NDC1: variants seen among roughly 807,000 people sequenced by gnomAD.
The protein encoded by NDC1 is nucleoporin NDC1.
NDC1 carries 24 observed loss-of-function variants against 89.8 expected under a neutral mutation model. That is an observed-to-expected ratio of 0.27 (90% CI 0.19 to 0.38). The LOEUF (loss-of-function observed/expected upper bound fraction) is 0.38, where lower values mean the gene tolerates loss of function less well. Among genes scored for constraint, NDC1 ranks in the 10% least tolerant of loss-of-function variants. The pLI is 1.00. For synonymous variants in NDC1, 296 were observed against 284.8 expected (o/e 1.04, Z -0.39); for missense variants, 728 against 797.6 (o/e 0.91, Z 1.05).
chr1:53,813,672 C>T (rs1021015274), intron 6 of NDC1, among the ~76,000 whole-genome samples: 3 of 151,792 alleles, frequency 2.0e-5, no homozygotes, highest in African/African-American at 7.3e-5. Flanking sequence ...GACAGCAACA[C>T]GATAGTGGGG....
Position 53,796,760 on chromosome 1 carries a change from T to C in NDC1, c.1513A>G (p.Ile505Val), listed in dbSNP as rs148333247. 26 of 1,610,962 alleles carry C rather than the reference T, an allele frequency of 1.6e-5. No individual in the cohort carries two copies. Among genetic ancestry groups the C allele is most frequent in the South Asian group, 2.2e-5 (2 of 90,476 alleles). The change falls in exon 13 of 18, where the codon ATT (isoleucine) becomes GTT (valine). Residue 505 changes from isoleucine to valine, a missense_variant. Physicochemically the swap from Ile to Val is conservative, Grantham distance 29 (BLOSUM62 3). Transcript: ENST00000371429. Reference sequence around the variant, plus strand: ...CTCATTGTCTTACCCTCAGCACTAATAGAGGTAGATGGAGAAGGATTAGAA... The same window carrying C: ...CTCATTGTCTTACCCTCAGCACTAACAGAGGTAGATGGAGAAGGATTAGAA... The part of the protein sequence containing the change: ...EFSNPSPSTS[I>V]SAEGKTMRQP...
chr1:53,804,478 T>G (rs1484447360), intron 9 of NDC1, among the ~76,000 whole-genome samples: 1 of 152,152 alleles, frequency 6.6e-6, no homozygotes, highest in Non-Finnish European at 1.5e-5. Flanking sequence ...ATACCTAATT[T>G]TTTTTTTCCT....
chr1:53,831,781 G>A (rs945119825), intron 3 of NDC1, among the ~76,000 whole-genome samples: 12 of 151,868 alleles, frequency 7.9e-5, no homozygotes, highest in African/African-American at 2.9e-4. Context: ...TATCTTAAAG[G>A]CAGTCTCAAG....
chr1:53,809,373 A>T (rs1487509601), intron 7 of NDC1, among the ~76,000 whole-genome samples: 1 of 152,070 alleles, frequency 6.6e-6, no homozygotes, highest in East Asian at 1.9e-4. Flanking sequence ...TCTTTTTGAG[A>T]CAGGGTCTCG....
intron 17 of NDC1, 22 bp downstream of exon 17, chr1:53,772,307 G>A: frequency 6.2e-7 from 1 of 1,609,674 alleles, no homozygotes; most frequent in Non-Finnish European, 8.5e-7. Context: ...GTATCATCAT[G>A]GATCAAAACA....
intron 14 of NDC1, among the ~76,000 whole-genome samples, chr1:53,790,571 G>T (rs979342029): frequency 2.4e-4 from 36 of 151,518 alleles, no homozygotes; most frequent in African/African-American, 7.3e-4. Context: ...AGCCTATGTG[G>T]TGGCGCACGC....
intron 16 of NDC1, among the ~76,000 whole-genome samples, chr1:53,775,555 G>T (rs1647155976): frequency 6.6e-6 from 1 of 152,028 alleles, no homozygotes; most frequent in South Asian, 2.1e-4. Flanking sequence ...TACCGCACCT[G>T]GCTGCAAAAC....
At chr1:53,832,464 A>G in intron 3 of NDC1, 26 bp downstream of exon 3, 1 of 1,151,008 alleles carries the variant, frequency 8.7e-7, no homozygotes, top group Non-Finnish European at 1.3e-6. Context: ...GCATATTTCT[A>G]AGAAGGTTAA....
chr1:53,788,437 T>A (rs1348892577), intron 15 of NDC1, among the ~76,000 whole-genome samples: 1 of 152,014 alleles, frequency 6.6e-6, no homozygotes, highest in Non-Finnish European at 1.5e-5. Flanking sequence ...AAAAAATTTT[T>A]TTTTTTGAGA....
At chr1:53,780,300 C>T (rs1647194917) in intron 16 of NDC1, among the ~76,000 whole-genome samples, 1 of 152,200 alleles carries the variant, frequency 6.6e-6, no homozygotes, top group Non-Finnish European at 1.5e-5. Context: ...TCTCAAACTC[C>T]TGACCTCAGG....
intron 5 of NDC1, among the ~76,000 whole-genome samples, chr1:53,820,085 T>A (rs1341339021): frequency 6.6e-6 from 1 of 151,962 alleles, no homozygotes; most frequent in East Asian, 1.9e-4. Flanking sequence ...TGAAACCCCG[T>A]CTCTACTACA....
intron 5 of NDC1, among the ~76,000 whole-genome samples, chr1:53,819,552 T>C (rs931169639): frequency 2.6e-4 from 40 of 152,262 alleles, no homozygotes; most frequent in Admixed American, 2.6e-3. Flanking sequence ...CAACCAATGT[T>C]ATCAACCAGC....
chr1:53,768,718 A>G (rs1647087277), intron 17 of NDC1, among the ~76,000 whole-genome samples: 1 of 152,218 alleles, frequency 6.6e-6, no homozygotes, highest in Non-Finnish European at 1.5e-5. Context: ...CGCTTTTAAA[A>G]GTGCCAAAAC....
chr1:53,830,402 C>T (rs1570239574), intron 3 of NDC1, among the ~76,000 whole-genome samples: 1 of 151,646 alleles, frequency 6.6e-6, no homozygotes, highest in Non-Finnish European at 1.5e-5. Flanking sequence ...TGCAGTGAGC[C>T]GAGATCGTGC....
At chr1:53,836,783 T>A (rs754706698) in intron 1 of NDC1, among the ~76,000 whole-genome samples, 1 of 152,096 alleles carries the variant, frequency 6.6e-6, no homozygotes, top group Non-Finnish European at 1.5e-5. Flanking sequence ...TATCCCACAT[T>A]CTATACAAAA....
chr1:53,825,890 A>G lies in NDC1; in HGVS notation c.502T>C (p.Phe168Leu), dbSNP rs1385138531. 1 of 1,611,092 alleles carries G rather than the reference A, an allele frequency of 6.2e-7. No individual in the cohort carries two copies. Among genetic ancestry groups the G allele is most frequent in the South Asian group, 1.1e-5 (1 of 89,896 alleles). ...ATAAATGCTCCAGTCAGTAGGAAAA[A>G]AAGATGATATTCATTTAAGCAGGTT... is the stretch of plus-strand genomic sequence containing the variant. ...AQTCLNEYHL[F>L]FLLTGAFMGY... Residue 168 changes from phenylalanine to leucine, a missense_variant, in exon 5 of 18, where the codon TTT becomes CTT. Physicochemically the swap from Phe to Leu is conservative, Grantham distance 22 (BLOSUM62 0). Coordinates refer to ENST00000371429, the MANE Select transcript of NDC1 (RefSeq NM_018087.5).
chr1:53,828,091 A>C lies in NDC1; in HGVS notation c.363T>G (p.His121Gln), dbSNP rs868505816. Residue 121 changes from histidine (H) to glutamine (Q), a missense_variant, in exon 4 of 18, where the codon CAT (histidine) becomes CAG (glutamine). His to Gln is a conservative substitution (Grantham distance 24). Transcript: ENST00000371429. ...AGGCCATCACCATTCCCATTGCAGC[A>C]TGAATAAATGAGTGCATGAGTTGCT... is the stretch of plus-strand genomic sequence containing the variant. ...HPQQLMHSFI[H>Q]AAMGMVMAWC... is the part of the protein sequence containing the mutation. 6.2e-7 allele frequency: 1 copy of C among 1,614,182 alleles called. No individual in the cohort carries two copies. The highest frequency in any genetic ancestry group is 1.6e-4 in the Middle Eastern group (1 of 6,062).
At position 53,767,762 on chromosome 1, in the gene NDC1, C is replaced by T; in HGVS notation, c.*208G>A. On this transcript the variant is annotated 3_prime_UTR_variant, in exon 18 of 18. Coordinates refer to ENST00000371429, the MANE Select transcript of NDC1 (RefSeq NM_018087.5). ...TTTATTATACCACACACACAAAAAG[C>T]AATCGGTACAGAAAAGGCAGTTTTC... is the stretch of plus-strand genomic sequence containing the variant. 5.1e-6 allele frequency: 2 copies of T among 388,938 alleles called. No individual in the cohort carries two copies. The highest frequency in any genetic ancestry group is 4.6e-6 in the Non-Finnish European group (1 of 217,054). 24.1% of individuals were successfully genotyped at this position (388,938 alleles called of 1,614,324 possible).
intron 16 of NDC1, among the ~76,000 whole-genome samples, chr1:53,782,547 A>G (rs1050109429): frequency 6.6e-6 from 1 of 152,250 alleles, no homozygotes; most frequent in Non-Finnish European, 1.5e-5. Flanking sequence ...AAGGAACTGG[A>G]AATCCTGGTA....
Sources: allele counts gnomAD v4.1 joint callset (sites outside exome capture counted in the v4.1 genomes callset), GRCh38; gene constraint gnomAD v4.1.1; transcripts MANE v1.5; gene names NCBI Gene and HGNC (gene_info 2026-07-23, HGNC 2026-07-21).